Variants in VWDE observed in about 807,000 individuals in gnomAD.
VWDE encodes the protein von Willebrand factor D and EGF domain-containing protein.
A neutral mutation model predicts 178.4 loss-of-function variants in VWDE; 207 were observed. The observed-to-expected ratio is 1.16, with a 90% CI of 1.04 to 1.30. VWDE has a LOEUF of 1.30. VWDE is among the 50% of genes most tolerant of loss of function. The probability of loss-of-function intolerance (pLI) is 0.00; values close to 1 mark genes in which losing one functional copy is unlikely to be tolerated. For missense variants in VWDE, 2,287 were observed against 1,901.3 expected (o/e 1.20, Z -3.77); for synonymous variants, 738 against 651.4 (o/e 1.13, Z -2.02).
intron 10 of VWDE, among the ~76,000 whole-genome samples, chr7:12,371,218 A>G (rs17275374): frequency 0.25 from 38,535 of 152,138 alleles, 5,119 homozygotes; most frequent in African/African-American, 0.3. Flanking sequence ...ATTATTTAAT[A>G]CAGAATTAGA....
chr7:12,354,702 C>T (rs1583294847), intron 18 of VWDE, among the ~76,000 whole-genome samples: 1 of 152,140 alleles, frequency 6.6e-6, no homozygotes, highest in South Asian at 2.1e-4. Flanking sequence ...TTAAACCAGA[C>T]CTTTCAAGTA....
intron 3 of VWDE, among the ~76,000 whole-genome samples, chr7:12,386,370 G>T (rs111971664): frequency 4.6e-5 from 7 of 152,256 alleles, no homozygotes; most frequent in African/African-American, 1.7e-4. Context: ...GCCAGTTTTA[G>T]CTGGACAGCA....
At chr7:12,370,920 G>A in intron 10 of VWDE, 56 bp from the exon 11 acceptor site, 1 of 1,269,922 alleles carries the variant, frequency 7.9e-7, no homozygotes. Context: ...ATTCAACCTG[G>A]ATTAAGAAAA....
At chr7:12,362,980 G>C (rs1782669027) in intron 13 of VWDE, among the ~76,000 whole-genome samples, 1 of 151,942 alleles carries the variant, frequency 6.6e-6, no homozygotes, top group South Asian at 2.1e-4. Flanking sequence ...TATTTCAAGG[G>C]GCCTACCCAA....
At chr7:12,399,470 T>C (rs771783450) in intron 1 of VWDE, among the ~76,000 whole-genome samples, 2 of 152,166 alleles carry the variant, frequency 1.3e-5, no homozygotes, top group African/African-American at 2.4e-5. Flanking sequence ...ATACACATTT[T>C]AACAATAATA....
chr7:12,382,131 A>G (rs1470247468), intron 4 of VWDE, among the ~76,000 whole-genome samples: 1 of 151,806 alleles, frequency 6.6e-6, no homozygotes, highest in Non-Finnish European at 1.5e-5. Flanking sequence ...TTTTGACTCA[A>G]TACTTTCATT....
intron 18 of VWDE, among the ~76,000 whole-genome samples, chr7:12,353,163 C>A (rs755673950): frequency 3.3e-5 from 5 of 152,144 alleles, no homozygotes; most frequent in Non-Finnish European, 7.4e-5. Flanking sequence ...AATTATCTTG[C>A]CATTCTGGAG....
In VWDE at chr7:12,374,630, T is replaced by C. The variant is rs1053904423; in HGVS notation, c.1316+59A>G. ...TTATAAAACAATACACTGTTTAAAA[T>C]AAAACAACAAAATCAAAGCAAACAA... On this transcript the variant is annotated intron_variant, in intron 9 of 28. Coordinates refer to ENST00000275358, the MANE Select transcript of VWDE (RefSeq NM_001135924.3). The C allele has an allele frequency of 1.8e-5, 23 of 1,254,286 alleles. No homozygotes were observed. In the Admixed American group the frequency reaches 1.9e-4, roughly 11 times the overall value. The allele number at this position is 1,254,286 out of a possible 1,614,324, so 77.7% of individuals were successfully genotyped here.
At chr7:12,351,492 G>A in intron 19 of VWDE, 81 bp downstream of exon 19, 3 of 1,384,476 alleles carry the variant, frequency 2.2e-6, no homozygotes, top group Admixed American at 2.9e-5. Flanking sequence ...AAAAATACCT[G>A]AGGAATAAAT....
chr7:12,400,579 A>C (rs868075467), intron 1 of VWDE, among the ~76,000 whole-genome samples: 4 of 152,074 alleles, frequency 2.6e-5, no homozygotes, highest in African/African-American at 9.7e-5. Flanking sequence ...CAAAGAAAAG[A>C]CCTGGCCCAG....
At chr7:12,334,966 C>G (rs73290487) in intron 27 of VWDE, among the ~76,000 whole-genome samples, 2,826 of 152,158 alleles carry the variant, frequency 0.019, 82 homozygotes, top group African/African-American at 0.064. Context: ...ATAGTACTTT[C>G]ATATATTTTT....
intron 24 of VWDE, 94 bp from the exon 25 acceptor site, chr7:12,337,366 A>G (rs953961759): frequency 1.9e-6 from 2 of 1,040,998 alleles, no homozygotes; most frequent in Admixed American, 2.0e-5. Context: ...ATGAGGACAT[A>G]AGGCAGAGAA....
At chr7:12,352,449 C>T (rs1006931854) in intron 18 of VWDE, among the ~76,000 whole-genome samples, 1 of 152,196 alleles carries the variant, frequency 6.6e-6, no homozygotes, top group Non-Finnish European at 1.5e-5. Flanking sequence ...TCCTACAATA[C>T]ACAAATGACT....
chr7:12,402,642 T>C (rs1459431330), intron 1 of VWDE, among the ~76,000 whole-genome samples: 1 of 152,182 alleles, frequency 6.6e-6, no homozygotes, highest in Non-Finnish European at 1.5e-5. Context: ...ACATGTATTT[T>C]TTAAAGTTAT....
Position 12,372,981 on chromosome 7 carries a change from A to T in VWDE, c.1583T>A (p.Val528Asp), listed in dbSNP as rs1029149548. The change falls in exon 10 of 29, where the codon GTC becomes GAC. Residue 528 changes from valine (V) to aspartate (D), a missense_variant. By Grantham distance (152) the Val-to-Asp change is radical. Coordinates refer to ENST00000275358, the MANE Select transcript of VWDE (RefSeq NM_001135924.3). The part of the protein sequence containing the change: ...KISESYLGRK[V>D]TIWFSSGAFI... ...ATGTTAAAGAATCATACATACTGTG[A>T]CTTTTCTTCCTAAGTAAGATTCACT... is the stretch of plus-strand genomic sequence containing the variant. The T allele has an allele frequency of 1.5e-5, 24 of 1,550,750 alleles. No individual in the cohort carries two copies. In the Admixed American group the frequency reaches 2.2e-4, roughly 14 times the overall value.
chr7:12,379,522 T>C lies in VWDE; in HGVS notation c.834A>G (p.Val278=), dbSNP rs1783721901. The C allele has an allele frequency of 6.4e-6, 10 of 1,550,606 alleles. No individual in the cohort carries two copies. Among genetic ancestry groups the C allele is most frequent in the Non-Finnish European group, 7.0e-6 (8 of 1,146,438 alleles). Reference sequence around the variant, plus strand: ...CTTGGCTTTCGATGGCTACACTTTGTACATGAGGATTCTCCAAGAAAAAGA... The same window carrying C: ...CTTGGCTTTCGATGGCTACACTTTGCACATGAGGATTCTCCAAGAAAAAGA... ...ASVFFLENPH[V]QSVAIESQEF... The change falls in exon 6 of 29, where the codon GTA becomes GTG. Residue 278 remains valine (V), a synonymous_variant. Coordinates refer to ENST00000275358, the MANE Select transcript of VWDE (RefSeq NM_001135924.3).
At chr7:12,352,448 A>G (rs911048341) in intron 18 of VWDE, among the ~76,000 whole-genome samples, 1 of 152,216 alleles carries the variant, frequency 6.6e-6, no homozygotes, top group African/African-American at 2.4e-5. Flanking sequence ...TTCCTACAAT[A>G]CACAAATGAC....
At chr7:12,355,537 A>T (rs977963974) in intron 18 of VWDE, among the ~76,000 whole-genome samples, 29 of 152,172 alleles carry the variant, frequency 1.9e-4, no homozygotes, top group African/African-American at 5.8e-4. Context: ...ATATTTACTT[A>T]TTTAATATTT....
In VWDE at chr7:12,356,332, T is replaced by TA; in HGVS notation, c.3526-3dup. ...GCAATCACAAGACTTCACAGTCACC[T>TA]ACAAAACAAAAAAAAAGGAAATGTC... On this transcript the variant is annotated splice_region_variant and splice_polypyrimidine_tract_variant and intron_variant, in intron 17 of 28. Transcript: ENST00000275358. 2 of 1,545,402 alleles carry TA rather than the reference T, an allele frequency of 1.3e-6. No homozygotes were observed. The highest frequency in any genetic ancestry group is 2.0e-5 in the Admixed American group (1 of 49,576).
Sources: allele counts gnomAD v4.1 joint callset (sites outside exome capture counted in the v4.1 genomes callset), GRCh38; gene constraint gnomAD v4.1.1; transcripts MANE v1.5; gene names NCBI Gene and HGNC (gene_info 2026-07-23, HGNC 2026-07-21).